Variants in ERICH1 observed in about 807,000 individuals in gnomAD.
The protein encoded by ERICH1 is glutamate-rich protein 1.
In ERICH1, 56 loss-of-function variants were observed where a neutral mutation model predicts 39.6. The observed-to-expected ratio is 1.41, with a 90% CI of 1.14 to 1.77. The LOEUF (loss-of-function observed/expected upper bound fraction) is 1.77, where lower values mean the gene tolerates loss of function less well. ERICH1 is among the 40% of genes most tolerant of loss of function. The pLI is 0.00. For synonymous variants in ERICH1, 313 were observed against 223.6 expected (o/e 1.40, Z -3.57); for missense variants, 826 against 575.4 (o/e 1.44, Z -4.45).
chr8:649,854 A>G (rs1377710902), intron 3 of ERICH1, among the ~76,000 whole-genome samples: 1 of 152,236 alleles, frequency 6.6e-6, no homozygotes, highest in African/African-American at 2.4e-5. Flanking sequence ...AGAGCTTTCC[A>G]GGAATCGCTG....
chr8:655,691 CCTTCCT>C (rs1800562649), intron 3 of ERICH1, among the ~76,000 whole-genome samples: 1 of 150,704 alleles, frequency 6.6e-6, no homozygotes, highest in Non-Finnish European at 1.5e-5. Context: ...TTCCTTCCTT[CCTTCCT>C]TCCTTCCTTC....
chr8:693,440 T>C (rs1027533655), intron 2 of ERICH1, among the ~76,000 whole-genome samples: 4 of 152,266 alleles, frequency 2.6e-5, no homozygotes, highest in African/African-American at 9.6e-5. Flanking sequence ...GATGGAATTA[T>C]AACCAGGACT....
At chr8:644,550 T>C (rs548517172) in intron 3 of ERICH1, among the ~76,000 whole-genome samples, 1 of 68,870 alleles carries the variant, frequency 1.5e-5, no homozygotes, top group Admixed American at 1.3e-4. Context: ...TTGTTTCTAA[T>C]GAGAACGTAA....
chr8:688,125 G>A (rs1454919707), intron 3 of ERICH1, among the ~76,000 whole-genome samples: 1 of 152,224 alleles, frequency 6.6e-6, no homozygotes, highest in Non-Finnish European at 1.5e-5. Flanking sequence ...AGGAGAGGAG[G>A]GAGGGTCTGC....
intron 1 of ERICH1, among the ~76,000 whole-genome samples, chr8:721,884 G>C (rs756758347): frequency 1.4e-4 from 21 of 152,210 alleles, no homozygotes; most frequent in Admixed American, 5.9e-4. Context: ...ATGAGCTCTA[G>C]ATAGAGGCTG....
intron 2 of ERICH1, among the ~76,000 whole-genome samples, chr8:706,538 C>T (rs1347507209): frequency 1.3e-5 from 2 of 152,184 alleles, no homozygotes; most frequent in Non-Finnish European, 2.9e-5. Flanking sequence ...CTTTGGAAGG[C>T]TGAGGTGGGC....
chr8:655,490 C>G (rs917036816), intron 3 of ERICH1, among the ~76,000 whole-genome samples: 1 of 152,220 alleles, frequency 6.6e-6, no homozygotes, highest in South Asian at 2.1e-4. Flanking sequence ...GGTGCACCAG[C>G]ACCTGCCCTT....
Position 645,954 on chromosome 8 carries a change from G to C in ERICH1, c.976+22644C>G, listed in dbSNP as rs1276400238. Reference sequence around the variant, plus strand: ...GAGTGCCGTGTCTGTACATCCGTGAGATGCACTGAGATGCATGTTTTTGGC... The same window carrying C: ...GAGTGCCGTGTCTGTACATCCGTGACATGCACTGAGATGCATGTTTTTGGC... On this transcript the variant is annotated intron_variant, in intron 3 of 3. Coordinates refer to the ERICH1 transcript ENST00000522706. 2.9e-5 allele frequency among the ~76,000 whole-genome samples: 2 copies of C among 69,898 alleles called. 1 individual carries two copies. 45.9% of individuals were successfully genotyped at this position (69,898 alleles called of 152,430 possible).
chr8:664,101 C>A (rs1023260119), downstream of ERICH1: 6 of 401,962 alleles, frequency 1.5e-5, no homozygotes, highest in African/African-American at 1.3e-4. Context: ...GAACTGACGA[C>A]TGCTTCTATG....
chr8:705,077 A>G (rs558800237), intron 2 of ERICH1, among the ~76,000 whole-genome samples: 1 of 152,368 alleles, frequency 6.6e-6, no homozygotes, highest in South Asian at 2.1e-4. Context: ...AATTATCAAC[A>G]CTCTTCTAGA....
intron 3 of ERICH1, among the ~76,000 whole-genome samples, chr8:622,956 C>CAATAAATAAATAAATAAATAAATA (rs71202635): frequency 5.3e-4 from 77 of 143,940 alleles, no homozygotes; most frequent in East Asian, 4.0e-3. Context: ...GATCCGCTCT[C>CAATAAATAAATAAATAAATAAATA]AATAAATAAA....
chr8:652,388 C>G (rs759269258), intron 3 of ERICH1, among the ~76,000 whole-genome samples: 2 of 152,144 alleles, frequency 1.3e-5, no homozygotes, highest in Admixed American at 6.5e-5. Flanking sequence ...ATGCAGAGCC[C>G]GACCGTTGTT....
At chr8:638,763 C>T (rs527932832) in intron 3 of ERICH1, among the ~76,000 whole-genome samples, 7 of 152,228 alleles carry the variant, frequency 4.6e-5, no homozygotes, top group Admixed American at 3.9e-4. Context: ...GAAGCCATTC[C>T]ACCCTTTCGT....
At chr8:710,848 G>A (rs913790841) in intron 2 of ERICH1, among the ~76,000 whole-genome samples, 18 of 152,292 alleles carry the variant, frequency 1.2e-4, no homozygotes, top group African/African-American at 4.3e-4. Flanking sequence ...CCATGTGCAG[G>A]TTTATTGACG....
intron 1 of ERICH1, among the ~76,000 whole-genome samples, chr8:721,009 G>A (rs1196244971): frequency 6.6e-5 from 10 of 152,192 alleles, no homozygotes; most frequent in Admixed American, 6.5e-4. Context: ...CTGGTTTTGT[G>A]TCATATTATC....
At chr8:705,145 C>T (rs1191960311) in intron 2 of ERICH1, among the ~76,000 whole-genome samples, 1 of 152,200 alleles carries the variant, frequency 6.6e-6, no homozygotes, top group Non-Finnish European at 1.5e-5. Context: ...TAAATCATTG[C>T]CATAATTACC....
At chr8:629,059 G>C (rs1050499057) in intron 3 of ERICH1, among the ~76,000 whole-genome samples, 4 of 152,134 alleles carry the variant, frequency 2.6e-5, no homozygotes, top group African/African-American at 9.7e-5. Flanking sequence ...AGGACTACAG[G>C]CCAGGTCAGG....
At chr8:717,050 C>T (rs781694658) in intron 1 of ERICH1, among the ~76,000 whole-genome samples, 1 of 152,194 alleles carries the variant, frequency 6.6e-6, no homozygotes, top group Admixed American at 6.5e-5. Context: ...CATGAAAACC[C>T]TGAGCACAGA....
chr8:691,541 C>T (rs1229414020), intron 3 of ERICH1, among the ~76,000 whole-genome samples: 2 of 152,216 alleles, frequency 1.3e-5, no homozygotes, highest in African/African-American at 4.8e-5. Flanking sequence ...AGATTAAGTA[C>T]GCAATGAAGC....
Sources: allele counts gnomAD v4.1 joint callset (sites outside exome capture counted in the v4.1 genomes callset), GRCh38; gene constraint gnomAD v4.1.1; transcripts MANE v1.5; gene names NCBI Gene and HGNC (gene_info 2026-07-23, HGNC 2026-07-21).